Variants in VPS13B observed in about 807,000 individuals in gnomAD.
The protein encoded by VPS13B is vacuolar protein sorting 13 homolog B.
A neutral mutation model predicts 426.4 loss-of-function variants in VPS13B; 285 were observed. That is an observed-to-expected ratio of 0.67 (90% CI 0.61 to 0.74). VPS13B has a LOEUF of 0.74. VPS13B is among the 30% of genes least tolerant of loss of function. The pLI, the probability that VPS13B is intolerant of heterozygous loss-of-function variation, is 0.00. For synonymous variants in VPS13B, 1,676 were observed against 1,676.4 expected, an observed-to-expected ratio of 1.00 and a Z score of 0.01; for missense variants, 4,537 against 4,782.6, an observed-to-expected ratio of 0.95 and a Z score of 1.51.
intron 42 of VPS13B, among the ~76,000 whole-genome samples, chr8:99,779,672 C>A (rs1811917457): frequency 6.6e-6 from 1 of 152,090 alleles, no homozygotes; most frequent in South Asian, 2.1e-4. Context: ...TGATAAGTGG[C>A]ATATTTAAAA....
At chr8:99,041,923 T>C (rs192422900) in intron 3 of VPS13B, among the ~76,000 whole-genome samples, 119 of 152,200 alleles carry the variant, frequency 7.8e-4, no homozygotes, top group African/African-American at 2.7e-3. Context: ...CTATTCTGGT[T>C]TTTGTACCAC....
At chr8:99,315,418 C>T (rs1809585381) in intron 19 of VPS13B, among the ~76,000 whole-genome samples, 2 of 150,428 alleles carry the variant, frequency 1.3e-5, no homozygotes, top group South Asian at 2.1e-4. Flanking sequence ...TTCATTTAGT[C>T]TATTATTGAC....
intron 3 of VPS13B, among the ~76,000 whole-genome samples, chr8:99,084,190 G>A (rs1409794954): frequency 1.3e-5 from 2 of 151,340 alleles, no homozygotes. Context: ...TCTTGGGAGG[G>A]TGTGTCGAGG....
intron 24 of VPS13B, among the ~76,000 whole-genome samples, chr8:99,471,472 G>T (rs544198646): frequency 1.3e-5 from 2 of 152,166 alleles, no homozygotes; most frequent in East Asian, 3.9e-4. Context: ...TGGTGCATAT[G>T]TTTTACTCTC....
intron 34 of VPS13B, among the ~76,000 whole-genome samples, chr8:99,658,782 G>A (rs1344899293): frequency 6.6e-6 from 1 of 151,918 alleles, no homozygotes; most frequent in African/African-American, 2.4e-5. Flanking sequence ...GGCATTATCG[G>A]GTGTTGTTTT....
rs761596624 is a variant in VPS13B at position 99,835,646 on chromosome 8, T to G, written c.9850T>G (p.Leu3284Val). The change falls in exon 54 of 62, where the codon TTA becomes GTA. Residue 3284 changes from leucine to valine, a missense_variant. Around this residue, in one of 2 missense-constraint regions of VPS13B, gnomAD observed 4,311 missense variants for 4,474.3 expected, o/e 0.96. Transcript: ENST00000357162. The stretch of plus-strand genomic sequence containing the variant: ...TTATCCGGACTGCAAGACCAAAGAC[T>G]TACTTCCAAGCCTACTTTTGAGAGT... ...SSYPDCKTKDLLPSLLLRVEP... is the reference protein window; with the variant it reads ...SSYPDCKTKDVLPSLLLRVEP... The G allele has an allele frequency of 6.2e-6, 10 of 1,614,134 alleles. No individual in the cohort carries two copies. The highest frequency in any genetic ancestry group is 8.5e-7 in the Non-Finnish European group (1 of 1,180,020).
chr8:99,426,110 T>G (rs566451412), intron 21 of VPS13B, among the ~76,000 whole-genome samples: 1,452 of 141,794 alleles, frequency 0.01, 8 homozygotes, highest in Non-Finnish European at 0.016. Context: ...CCCCTTCCTG[T>G]GTCCATGTGA....
chr8:99,509,208 C>T (rs973698230), intron 28 of VPS13B, among the ~76,000 whole-genome samples: 1 of 152,068 alleles, frequency 6.6e-6, no homozygotes, highest in Non-Finnish European at 1.5e-5. Flanking sequence ...TGCTCATTGT[C>T]CAGCAACATG....
intron 17 of VPS13B, chr8:99,209,842 A>T (rs1814970395): frequency 9.7e-6 from 6 of 619,598 alleles, no homozygotes; most frequent in Non-Finnish European, 1.0e-5. Context: ...AAGTTTTCAA[A>T]TACTTCAGTT....
chr8:99,463,928 C>T (rs1007586904), intron 23 of VPS13B, among the ~76,000 whole-genome samples: 40 of 152,280 alleles, frequency 2.6e-4, no homozygotes, highest in African/African-American at 9.4e-4. Context: ...CTCTCGACCT[C>T]AGGTGATCTG....
chr8:99,293,033 A>G (rs1373254179), intron 19 of VPS13B, among the ~76,000 whole-genome samples: 3 of 152,268 alleles, frequency 2.0e-5, no homozygotes, highest in Admixed American at 6.5e-5. Context: ...CTGAACGTGT[A>G]AAGCACCATT....
chr8:99,608,411 T>A (rs1827695353), intron 33 of VPS13B, among the ~76,000 whole-genome samples: 1 of 152,034 alleles, frequency 6.6e-6, no homozygotes, highest in African/African-American at 2.4e-5. Context: ...CCCAAAGTGC[T>A]AGAATTATGG....
intron 19 of VPS13B, among the ~76,000 whole-genome samples, chr8:99,360,244 T>TTCCTTCCTTCCTTCCTTCCTTTCTCTCTC (rs1194625247): frequency 3.3e-4 from 3 of 9,062 alleles, no homozygotes; most frequent in African/African-American, 1.3e-3. Flanking sequence ...CTCTCTCTCC[T>TTCCTTCCTTCCTTCCTTCCTTTCTCTCTC]TCCTTCCTTC....
intron 12 of VPS13B, among the ~76,000 whole-genome samples, chr8:99,137,803 T>G (rs1468540612): frequency 6.6e-6 from 1 of 152,184 alleles, no homozygotes; most frequent in Non-Finnish European, 1.5e-5. Flanking sequence ...TAGTCCAAAG[T>G]TCTCTAAGAT....
At chr8:99,367,455 T>G (rs1253458303) in intron 19 of VPS13B, among the ~76,000 whole-genome samples, 1 of 152,226 alleles carries the variant, frequency 6.6e-6, no homozygotes, top group Non-Finnish European at 1.5e-5. Context: ...AGAGTTTGAT[T>G]AAATTTCATA....
intron 23 of VPS13B, among the ~76,000 whole-genome samples, chr8:99,451,543 A>G (rs1396026084): frequency 6.6e-6 from 1 of 152,206 alleles, no homozygotes; most frequent in African/African-American, 2.4e-5. Context: ...AATGAGATAT[A>G]CATTACTTTG....
intron 20 of VPS13B, 147 bp downstream of exon 20, chr8:99,384,464 G>A (rs182176245): frequency 5.1e-5 from 35 of 683,180 alleles, no homozygotes; most frequent in East Asian, 1.1e-4. Context: ...AAACAATTCC[G>A]TTCCCTTATT....
intron 25 of VPS13B, among the ~76,000 whole-genome samples, chr8:99,494,043 C>A (rs1020355521): frequency 3.9e-5 from 6 of 151,972 alleles, no homozygotes; most frequent in Non-Finnish European, 8.8e-5. Flanking sequence ...TCAAGTAAAA[C>A]TAATGAACAT....
chr8:99,870,440 G>A (rs998025007), intron 59 of VPS13B, among the ~76,000 whole-genome samples: 3 of 152,222 alleles, frequency 2.0e-5, no homozygotes, highest in Non-Finnish European at 4.4e-5. Context: ...TTACATGCAT[G>A]AGCCACCACA....
Sources: gnomAD v4.1 joint callset for allele counts (sites outside exome capture counted in the v4.1 genomes callset) on GRCh38, gnomAD v4.1.1 for gene constraint, gnomAD v4.1.1 regional missense constraint, MANE v1.5 for transcripts, NCBI Gene and HGNC (gene_info 2026-07-23, HGNC 2026-07-21) for gene names.